The following IGFL2 variants were observed in gnomAD, a reference collection of about 807,000 sequenced individuals.
IGFL2 encodes the protein insulin growth factor-like family member 2.
IGFL2 carries 7 observed loss-of-function variants against 13.9 expected under a neutral mutation model. The observed-to-expected ratio is 0.51, with a 90% CI of 0.29 to 0.95. The LOEUF is 0.95. Among genes scored for constraint, IGFL2 ranks in the 40% least tolerant of loss-of-function variants. The pLI is 0.08. For missense variants in IGFL2, 138 were observed against 147.8 expected, an observed-to-expected ratio of 0.93 and a Z score of 0.34; for synonymous variants, 55 against 55.8, an observed-to-expected ratio of 0.99 and a Z score of 0.07.
At chr19:46,135,757 G>C in the IGFL2 span, among the ~76,000 whole-genome samples, 7 of 152,226 alleles carry the variant, frequency 4.6e-5, no homozygotes, top group African/African-American at 1.4e-4. Context: ...CACTGCCTTT[G>C]ACTCCTGACT....
At chr19:46,086,366 C>G in the IGFL2 span, among the ~76,000 whole-genome samples, 6 of 151,876 alleles carry the variant, frequency 4.0e-5, no homozygotes, top group Non-Finnish European at 5.9e-5. Context: ...GCTCTGTCTC[C>G]CAGGTTGGAG....
At chr19:46,161,664 C>T (rs577394224), downstream of IGFL2, among the ~76,000 whole-genome samples, 1 of 152,188 alleles carries the variant, frequency 6.6e-6, no homozygotes, top group African/African-American at 2.4e-5. Context: ...TTTCCATTTG[C>T]TTAGTAGATT....
chr19:46,100,688 A>C, the IGFL2 span, among the ~76,000 whole-genome samples: 1 of 152,144 alleles, frequency 6.6e-6, no homozygotes, highest in African/African-American at 2.4e-5. Flanking sequence ...AATATGGGGG[A>C]GGCATGTAGC....
chr19:46,095,009 TAATAGAA>T, the IGFL2 span, among the ~76,000 whole-genome samples: 1 of 152,214 alleles, frequency 6.6e-6, no homozygotes, highest in African/African-American at 2.4e-5. Flanking sequence ...TGTATCTTTA[TAATAGAA>T]TGATTTATAT....
At chr19:46,136,938 G>T in the IGFL2 span, 1 of 1,123,530 alleles carries the variant, frequency 8.9e-7, no homozygotes, top group Non-Finnish European at 1.4e-6. Context: ...AGAGGTGTCT[G>T]TAAAGTTGTT....
At chr19:46,142,618 A>C (rs1972908403), upstream of IGFL2, among the ~76,000 whole-genome samples, 1 of 152,254 alleles carries the variant, frequency 6.6e-6, no homozygotes, top group South Asian at 2.1e-4. Context: ...GAGACTATTT[A>C]AATTGGACTT....
At chr19:46,118,483 G>T in the IGFL2 span, among the ~76,000 whole-genome samples, 1 of 152,214 alleles carries the variant, frequency 6.6e-6, no homozygotes, top group Non-Finnish European at 1.5e-5. Context: ...CACACTCCTA[G>T]ACAGGCTTTT....
the IGFL2 span, chr19:46,124,549 G>T: frequency 7.4e-7 from 1 of 1,353,022 alleles, no homozygotes; most frequent in African/African-American, 1.5e-5. Context: ...AGATAAAGAG[G>T]AATAAATCGG....
the IGFL2 span, among the ~76,000 whole-genome samples, chr19:46,125,299 C>A: frequency 2.6e-5 from 4 of 152,170 alleles, no homozygotes; most frequent in Admixed American, 1.3e-4. Context: ...CAGAGACCTC[C>A]AGCATCTTAG....
chr19:46,103,949 C>T, the IGFL2 span, among the ~76,000 whole-genome samples: 1 of 152,102 alleles, frequency 6.6e-6, no homozygotes, highest in Non-Finnish European at 1.5e-5. Context: ...TGGGGAGGGT[C>T]CTGCAGGCGG....
chr19:46,206,002 T>A, the IGFL2 span, among the ~76,000 whole-genome samples: 4 of 152,140 alleles, frequency 2.6e-5, no homozygotes, highest in Non-Finnish European at 4.4e-5. Flanking sequence ...AAATCTAATG[T>A]TGTTGTCATA....
intron 1 of IGFL2, among the ~76,000 whole-genome samples, chr19:46,152,215 C>G (rs1377056571): frequency 6.7e-6 from 1 of 149,758 alleles, no homozygotes; most frequent in Non-Finnish European, 1.5e-5. Context: ...TTTTATCTTA[C>G]AATCCTGTTG....
the IGFL2 span, among the ~76,000 whole-genome samples, chr19:46,083,287 G>A: frequency 9.2e-5 from 14 of 152,234 alleles, no homozygotes; most frequent in South Asian, 4.2e-4. Flanking sequence ...AACTTAAATC[G>A]TTTTCAACAG....
downstream of IGFL2, among the ~76,000 whole-genome samples, chr19:46,166,102 A>G (rs1253250961): frequency 6.6e-6 from 1 of 152,198 alleles, no homozygotes; most frequent in African/African-American, 2.4e-5. Flanking sequence ...ACTTCCAAAA[A>G]GGTGTTAGAA....
the IGFL2 span, among the ~76,000 whole-genome samples, chr19:46,136,382 G>A: frequency 6.6e-6 from 1 of 152,038 alleles, no homozygotes; most frequent in African/African-American, 2.4e-5. Context: ...CAGAATGTGG[G>A]CATCTTGTTC....
At chr19:46,124,487 C>G in the IGFL2 span, 2 of 1,131,962 alleles carry the variant, frequency 1.8e-6, no homozygotes, top group Non-Finnish European at 2.7e-6. Flanking sequence ...GCAGCACGCT[C>G]AGTCACCCTT....
chr19:46,116,585 C>G, the IGFL2 span, among the ~76,000 whole-genome samples: 2 of 152,186 alleles, frequency 1.3e-5, no homozygotes, highest in Admixed American at 6.5e-5. Context: ...CTCTGTTGCA[C>G]AGGCTAGTCT....
Position 46,160,764 on chromosome 19 carries a change from G to C in IGFL2, c.224G>C (p.Cys75Ser). 1 of 1,614,158 alleles carries C rather than the reference G, an allele frequency of 6.2e-7. No homozygotes were observed. Among genetic ancestry groups the C allele is most frequent in the Non-Finnish European group, 8.5e-7 (1 of 1,180,006 alleles). The change falls in exon 3 of 4, where the codon TGC (cysteine) becomes TCC (serine). Residue 75 changes from cysteine (C) to serine (S), a missense_variant. Coordinates refer to ENST00000377693, the MANE Select transcript of IGFL2 (RefSeq NM_001135113.2). ...GGTCCCCCCTGCACCTTCTGGCCCTGCTTTGAGCTCTGCTGTCTTGATTCC... is the reference window on the plus strand; with the variant it reads ...GGTCCCCCCTGCACCTTCTGGCCCTCCTTTGAGCTCTGCTGTCTTGATTCC... ...QCGPPCTFWPCFELCCLDSFG... is the reference protein window; with the variant it reads ...QCGPPCTFWPSFELCCLDSFG...
At chr19:46,138,719 C>T (rs1972718508), upstream of IGFL2, among the ~76,000 whole-genome samples, 1 of 152,140 alleles carries the variant, frequency 6.6e-6, no homozygotes, top group Admixed American at 6.5e-5. Context: ...CTTAGTTTGG[C>T]AACTGAGGCT....
Sources: gnomAD v4.1 joint callset for allele counts (sites outside exome capture counted in the v4.1 genomes callset) on GRCh38, gnomAD v4.1.1 for gene constraint, MANE v1.5 for transcripts, NCBI Gene and HGNC (gene_info 2026-07-23, HGNC 2026-07-21) for gene names.